POGK: variants seen among roughly 807,000 people sequenced by gnomAD.
POGK encodes pogo transposable element with KRAB domain.
Under a neutral mutation model 54.4 loss-of-function variants are expected in POGK, and 16 were observed. That is an observed-to-expected ratio of 0.29 (90% CI 0.20 to 0.45). POGK has a LOEUF of 0.45. Among genes scored for constraint, POGK ranks in the 20% least tolerant of loss-of-function variants. POGK has a pLI of 1.00. For synonymous variants in POGK, 271 were observed against 302.2 expected, an observed-to-expected ratio of 0.90 and a Z score of 1.07; for missense variants, 515 against 795.6, an observed-to-expected ratio of 0.65 and a Z score of 4.24.
At chr1:166,851,257 C>T (rs778677494) in intron 5 of POGK, 2 of 152,102 alleles carry the variant, frequency 1.3e-5, no homozygotes, top group Non-Finnish European at 1.5e-5. Flanking sequence ...CTCCGGGCCT[C>T]GGGTCTCAGT....
At chr1:166,839,859 G>C (rs1243581087) in intron 1 of POGK, 1 of 151,720 alleles carries the variant, frequency 6.6e-6, no homozygotes, top group African/African-American at 2.4e-5. Flanking sequence ...CGCGGAGAAA[G>C]GGAAATGGGG....
At chr1:166,842,644 C>T (rs1236088732) in intron 2 of POGK, among the ~76,000 whole-genome samples, 1 of 152,114 alleles carries the variant, frequency 6.6e-6, no homozygotes, top group African/African-American at 2.4e-5. Flanking sequence ...CAATTTTGCC[C>T]CCACCCCTGG....
chr1:166,850,576 A>AG, intron 5 of POGK, 153 bp downstream of exon 5: 8 of 785,752 alleles, frequency 1.0e-5, no homozygotes, highest in South Asian at 2.0e-5. Context: ...GTCACGGACC[A>AG]TACTGGTCCA....
chr1:166,839,964 G>A (rs1571217009), intron 1 of POGK: 2 of 152,292 alleles, frequency 1.3e-5, no homozygotes, highest in African/African-American at 4.8e-5. Context: ...CGGCACCTTA[G>A]CGCGGGGAGG....
chr1:166,850,698 A>G (rs560960747), intron 5 of POGK: 48 of 335,360 alleles, frequency 1.4e-4, no homozygotes, highest in African/African-American at 9.0e-4. Context: ...TCATAGGAGC[A>G]CAAACCCTGT....
At chr1:166,846,849 C>A in intron 3 of POGK, 111 bp downstream of exon 3, 1 of 1,383,428 alleles carries the variant, frequency 7.2e-7, no homozygotes. Flanking sequence ...TTAGACTCTG[C>A]CTCCTCAATG....
intron 2 of POGK, among the ~76,000 whole-genome samples, chr1:166,845,944 A>G (rs1657827957): frequency 6.6e-6 from 1 of 152,148 alleles, no homozygotes; most frequent in African/African-American, 2.4e-5. Context: ...ATCTCATTAC[A>G]TATATTAAGC....
Position 166,839,561 on chromosome 1 carries a change from A to G in POGK, c.-46A>G, listed in dbSNP as rs1182778007. On this transcript the variant is annotated 5_prime_UTR_variant, in exon 1 of 6. Coordinates refer to ENST00000367876, the MANE Select transcript of POGK (RefSeq NM_017542.5). The stretch of plus-strand genomic sequence containing the variant: ...GATGGCGCTGTGACAGCCGGGCCGG[A>G]GCCCTCGCGTCCCCACCCCGCGCCC... The G allele has an allele frequency of 6.7e-6, 1 of 149,250 alleles. No individual in the cohort carries two copies. The highest frequency in any genetic ancestry group is 2.5e-5 in the African/African-American group (1 of 40,502). 9.2% of individuals were successfully genotyped at this position (149,250 alleles called of 1,614,324 possible).
rs181756321 is a variant in POGK at position 166,856,263 on chromosome 1, G to A, written c.*3693G>A. ...GATGGGAGAATCACCTGAGCCCAGAGGTCCAGTCTGCAGTGAGCCATGATC... is the reference window on the plus strand; with the variant it reads ...GATGGGAGAATCACCTGAGCCCAGAAGTCCAGTCTGCAGTGAGCCATGATC... On this transcript the variant is annotated 3_prime_UTR_variant, in exon 6 of 6. Transcript: ENST00000367876. 7.2e-5 allele frequency: 11 copies of A among 151,782 alleles called. No homozygotes were observed. The highest frequency in any genetic ancestry group is 4.6e-4 in the Admixed American group (7 of 15,226). 9.4% of individuals were successfully genotyped at this position (151,782 alleles called of 1,614,324 possible). A position where few individuals can be genotyped will look rare whatever the true frequency, so the allele number is the denominator to read the frequency against.
At chr1:166,840,874 T>C (rs1571218244) in intron 1 of POGK, 81 bp from the exon 2 acceptor site, 2 of 1,562,158 alleles carry the variant, frequency 1.3e-6, no homozygotes, top group Non-Finnish European at 1.7e-6. Context: ...GAGGTTTGTA[T>C]GTGGCTCAGC....
intron 5 of POGK, chr1:166,852,143 T>C (rs1557903311): frequency 6.6e-6 from 1 of 152,352 alleles, no homozygotes; most frequent in South Asian, 2.1e-4. Context: ...CTGACCCTTA[T>C]ATTGCCTGCA....
intron 2 of POGK, among the ~76,000 whole-genome samples, chr1:166,844,152 T>C (rs1280687951): frequency 6.6e-6 from 1 of 152,194 alleles, no homozygotes; most frequent in East Asian, 1.9e-4. Flanking sequence ...CAGTCATTAA[T>C]AGGAAGAGAT....
Position 166,847,479 on chromosome 1 carries a change from A to C in POGK, c.260-15A>C. 1 of 1,602,084 alleles carries C rather than the reference A, an allele frequency of 6.2e-7. No individual in the cohort carries two copies. Among genetic ancestry groups the C allele is most frequent in the Non-Finnish European group, 8.5e-7 (1 of 1,169,716 alleles). The stretch of plus-strand genomic sequence containing the variant: ...GTAACACACAGCTGTTACCTATTTT[A>C]TTTCCTATAAACAGAATTCCCATTC... On this transcript the variant is annotated splice_polypyrimidine_tract_variant and intron_variant, in intron 3 of 5. Coordinates refer to ENST00000367876, the MANE Select transcript of POGK (RefSeq NM_017542.5).
chr1:166,843,229 CT>C (rs1029088476), intron 2 of POGK, among the ~76,000 whole-genome samples: 1 of 152,194 alleles, frequency 6.6e-6, no homozygotes, highest in African/African-American at 2.4e-5. Context: ...GGAGCAGCTC[CT>C]GCAGCTGGAA....
At chr1:166,840,482 C>G (rs561294068) in intron 1 of POGK, 2 of 153,456 alleles carry the variant, frequency 1.3e-5, no homozygotes, top group African/African-American at 4.8e-5. Context: ...TCCGCCCATG[C>G]TTAACTGGCT....
In POGK at chr1:166,840,962, G is replaced by T. The variant is rs766329952; in HGVS notation, c.6G>T (p.Glu2Asp). M[E>D]STAYPLNLSL... ...CCTGAATCTTGCTTGCAGAGATGGA[G>T]TCCACAGCCTACCCTCTCAATTTGA... The change falls in exon 2 of 6, where the codon GAG becomes GAT. Residue 2 changes from glutamate (E) to aspartate (D), a missense_variant. Around this residue, in one of 2 missense-constraint regions of POGK, gnomAD observed 54 missense variants for 52.0 expected, o/e 1.04. Transcript: ENST00000367876. 3.7e-5 allele frequency: 60 copies of T among 1,613,862 alleles called. No individual in the cohort carries two copies. The highest frequency in any genetic ancestry group is 4.8e-5 in the Non-Finnish European group (57 of 1,179,932).
chr1:166,848,953 A>C lies in POGK; in HGVS notation c.374A>C (p.Asp125Ala). ...TGTCTCCCAGAAAATGAAGAATCTG[A>C]CGTAAAGCCTCCAGACTGGCCAAAC... ...GGTSAENEES[D>A]VKPPDWPNPM... The change falls in exon 5 of 6, where the codon GAC (aspartate) becomes GCC (alanine). Residue 125 changes from aspartate (D) to alanine (A), a missense_variant. Coordinates refer to ENST00000367876, the MANE Select transcript of POGK (RefSeq NM_017542.5). 6.3e-7 allele frequency: 1 copy of C among 1,597,846 alleles called. No homozygotes were observed. The highest frequency in any genetic ancestry group is 8.5e-7 in the Non-Finnish European group (1 of 1,172,752).
At chr1:166,839,685 G>T (rs1013243245) in intron 1 of POGK, 81 bp downstream of exon 1, 1 of 131,280 alleles carries the variant, frequency 7.6e-6, no homozygotes, top group African/African-American at 2.8e-5. Flanking sequence ...AGAGGCGGGG[G>T]CGCCGAGGCT....
At chr1:166,841,173 C>T (rs1399481671) in intron 2 of POGK, 85 bp downstream of exon 2, 49 of 1,536,742 alleles carry the variant, frequency 3.2e-5, no homozygotes, top group Non-Finnish European at 4.2e-5. Flanking sequence ...CTCAGACAGA[C>T]GTGGGAAGTA....
Sources: allele counts gnomAD v4.1 joint callset (sites outside exome capture counted in the v4.1 genomes callset), GRCh38; gene constraint gnomAD v4.1.1; regional missense constraint gnomAD v4.1.1; transcripts MANE v1.5; gene names NCBI Gene and HGNC (gene_info 2026-07-23, HGNC 2026-07-21).